The following NMBR variants were observed in gnomAD, a reference collection of about 807,000 sequenced individuals.
NMBR encodes the protein neuromedin B receptor.
NMBR carries 16 observed loss-of-function variants against 20.5 expected under a neutral mutation model. The ratio of observed to expected loss-of-function variants is 0.78; its 90% CI spans 0.53 to 1.19. The LOEUF (loss-of-function observed/expected upper bound fraction) is 1.19. NMBR is among the 50% of genes most tolerant of loss of function. NMBR has a pLI of 0.00. For synonymous variants in NMBR, 212 were observed against 196.6 expected (o/e 1.08, Z -0.65); for missense variants, 582 against 499.1 (o/e 1.17, Z -1.58).
At chr6:142,117,659 A>G (rs1421959431) in intron 1 of NMBR, among the ~76,000 whole-genome samples, 2 of 151,992 alleles carry the variant, frequency 1.3e-5, no homozygotes, top group Admixed American at 6.6e-5. Flanking sequence ...TATGCACATA[A>G]GACTGATTAT....
chr6:142,107,801 A>T (rs1404818352), intron 1 of NMBR, among the ~76,000 whole-genome samples: 2 of 152,174 alleles, frequency 1.3e-5, no homozygotes, highest in Non-Finnish European at 2.9e-5. Context: ...TATATTTAAA[A>T]AACTAAAGAA....
chr6:142,128,451 T>C (rs1778078948), intron 1 of NMBR, among the ~76,000 whole-genome samples: 2 of 152,122 alleles, frequency 1.3e-5, no homozygotes, highest in Non-Finnish European at 2.9e-5. Context: ...TACTGGATCT[T>C]AGAGGAAAAG....
At chr6:142,145,578 G>A (rs1778417886) in intron 1 of NMBR, among the ~76,000 whole-genome samples, 1 of 152,128 alleles carries the variant, frequency 6.6e-6, no homozygotes, top group South Asian at 2.1e-4. Flanking sequence ...ATACATAGTT[G>A]ATGCTCAGCA....
chr6:142,112,633 G>C (rs1307578567), intron 1 of NMBR, among the ~76,000 whole-genome samples: 2 of 152,054 alleles, frequency 1.3e-5, no homozygotes, highest in Non-Finnish European at 2.9e-5. Flanking sequence ...GATATTGTAC[G>C]TCTCGTTAGC....
intron 1 of NMBR, among the ~76,000 whole-genome samples, chr6:142,123,061 G>T (rs1777972799): frequency 6.6e-6 from 1 of 151,876 alleles, no homozygotes; most frequent in South Asian, 2.1e-4. Flanking sequence ...TCTGGTCAAA[G>T]TAAATTGAAA....
chr6:142,135,499 TTTA>T (rs1283644769), intron 1 of NMBR, among the ~76,000 whole-genome samples: 3 of 152,052 alleles, frequency 2.0e-5, no homozygotes, highest in African/African-American at 4.8e-5. Context: ...TTTTCTTTTA[TTTA>T]TTATTATTAT....
chr6:142,121,852 C>T (rs1376007999), intron 1 of NMBR, among the ~76,000 whole-genome samples: 1 of 151,800 alleles, frequency 6.6e-6, no homozygotes, highest in Non-Finnish European at 1.5e-5. Context: ...TTGAGACAGA[C>T]CAGGAATGGA....
chr6:142,125,662 A>C (rs907773547), intron 1 of NMBR, among the ~76,000 whole-genome samples: 1 of 151,904 alleles, frequency 6.6e-6, no homozygotes, highest in African/African-American at 2.4e-5. Context: ...AAGGACAAAC[A>C]CATAGAACAG....
chr6:142,096,246 G>T (rs1357055671), intron 1 of NMBR, among the ~76,000 whole-genome samples: 1 of 152,046 alleles, frequency 6.6e-6, no homozygotes, highest in African/African-American at 2.4e-5. Flanking sequence ...TGTGATGTTA[G>T]GGTGTCAATT....
intron 1 of NMBR, among the ~76,000 whole-genome samples, chr6:142,123,144 T>G (rs1264931896): frequency 6.6e-6 from 1 of 151,850 alleles, no homozygotes; most frequent in East Asian, 1.9e-4. Context: ...GGTCAAAATA[T>G]CAACAGGAAT....
intron 2 of NMBR, among the ~76,000 whole-genome samples, chr6:142,079,229 G>T (rs1047234525): frequency 1.3e-5 from 2 of 150,370 alleles, no homozygotes; most frequent in African/African-American, 4.9e-5. Flanking sequence ...GAAGGGAGAA[G>T]AGAAAAACAT....
chr6:142,078,452 T>C (rs1776996931), intron 3 of NMBR, 103 bp downstream of exon 3: 1 of 670,504 alleles, frequency 1.5e-6, no homozygotes, highest in South Asian at 1.9e-5. Context: ...AAGGCCCAAC[T>C]CTGTTCTCCT....
Position 142,123,791 on chromosome 6 carries a change from G to T in NMBR, c.-664+23253C>A, listed in dbSNP as rs764114239. Among the ~76,000 whole-genome samples the T allele has an allele frequency of 2.6e-5, 4 of 151,918 alleles. No individual in the cohort carries two copies. The East Asian group carries it at 7.8e-4, about 30-fold the overall frequency. ...ATCATAGACAATATGTAAATGAAAG[G>T]ATATGGCGAGGCTGCAATAAAACCT... On this transcript the variant is annotated intron_variant, in intron 1 of 3. Coordinates refer to ENST00000258042, the MANE Select transcript of NMBR (RefSeq NM_002511.4).
Position 142,088,374 on chromosome 6 carries a change from G to A in NMBR, c.285C>T (p.Thr95=). The A allele has an allele frequency of 6.2e-7, 1 of 1,614,170 alleles. No homozygotes were observed. Among genetic ancestry groups the A allele is most frequent in the Non-Finnish European group, 8.5e-7 (1 of 1,180,036 alleles). The part of the protein sequence containing the change: ...LAAGDLLLLL[T]CVPVDASRYF... ...AGCGCGAGGCGTCCACCGGGACGCAGGTGAGCAGCAGCAGCAAGTCCCCGG... is the reference window on the plus strand; with the variant it reads ...AGCGCGAGGCGTCCACCGGGACGCAAGTGAGCAGCAGCAGCAAGTCCCCGG... Residue 95 remains threonine, a synonymous_variant, in exon 2 of 4, where the codon ACC becomes ACT. Transcript: ENST00000258042.
chr6:142,090,423 A>T (rs971483174), intron 1 of NMBR, among the ~76,000 whole-genome samples: 1 of 152,064 alleles, frequency 6.6e-6, no homozygotes, highest in African/African-American at 2.4e-5. Context: ...TAGACAAGGT[A>T]AACATTTGCA....
intron 2 of NMBR, among the ~76,000 whole-genome samples, chr6:142,081,595 T>C: frequency 6.6e-6 from 1 of 152,180 alleles, no homozygotes; most frequent in East Asian, 1.9e-4. Flanking sequence ...TACTGAAGTG[T>C]TATTAGTGCT....
At chr6:142,142,571 C>T (rs575523795) in intron 1 of NMBR, among the ~76,000 whole-genome samples, 6 of 152,142 alleles carry the variant, frequency 3.9e-5, no homozygotes, top group Admixed American at 2.6e-4. Context: ...TTAACAATTT[C>T]CCCTGTAGTC....
At chr6:142,141,047 A>G (rs1435396129) in intron 1 of NMBR, among the ~76,000 whole-genome samples, 1 of 152,248 alleles carries the variant, frequency 6.6e-6, no homozygotes, top group Non-Finnish European at 1.5e-5. Context: ...AAAAGGATAT[A>G]GAGGATTATA....
intron 1 of NMBR, among the ~76,000 whole-genome samples, chr6:142,115,239 G>T (rs1777830729): frequency 6.6e-6 from 1 of 152,054 alleles, no homozygotes; most frequent in African/African-American, 2.4e-5. Flanking sequence ...ATAGAGAAAA[G>T]AAATTTAAAT....
Sources: gnomAD v4.1 joint callset for allele counts (sites outside exome capture counted in the v4.1 genomes callset) on GRCh38, gnomAD v4.1.1 for gene constraint, MANE v1.5 for transcripts, NCBI Gene and HGNC (gene_info 2026-07-23, HGNC 2026-07-21) for gene names.